Variants in TRIT1 observed in about 807,000 individuals in gnomAD.
TRIT1 encodes tRNA dimethylallyltransferase.
TRIT1 carries 43 observed loss-of-function variants against 51.2 expected under a neutral mutation model. That is an observed-to-expected ratio of 0.84 (90% CI 0.66 to 1.08). The LOEUF (loss-of-function observed/expected upper bound fraction) is 1.08. TRIT1 is among the 50% of genes least tolerant of loss of function. TRIT1 has a pLI of 0.00. For missense variants in TRIT1, 528 were observed against 578.4 expected, an observed-to-expected ratio of 0.91 and a Z score of 0.89; for synonymous variants, 184 against 203.9, an observed-to-expected ratio of 0.90 and a Z score of 0.83.
chr1:39,848,674 T>A (rs555328609), intron 5 of TRIT1, among the ~76,000 whole-genome samples: 1 of 151,388 alleles, frequency 6.6e-6, no homozygotes, highest in African/African-American at 2.4e-5. Context: ...AGTACAAAAA[T>A]TAGCTGGGCG....
chr1:39,863,762 A>G (rs528726301), intron 1 of TRIT1, among the ~76,000 whole-genome samples: 10 of 151,964 alleles, frequency 6.6e-5, no homozygotes, highest in Non-Finnish European at 1.3e-4. Flanking sequence ...GAAAAAAAAA[A>G]AGAGATATGA....
intron 1 of TRIT1, among the ~76,000 whole-genome samples, chr1:39,865,688 A>G (rs1186839648): frequency 3.2e-5 from 4 of 125,398 alleles, no homozygotes; most frequent in African/African-American, 1.1e-4. Flanking sequence ...AAAAAAAAAA[A>G]AAGAAAAGAA....
chr1:39,852,708 G>C (rs779785121), intron 4 of TRIT1, 23 bp downstream of exon 4: 2 of 1,608,710 alleles, frequency 1.2e-6, no homozygotes, highest in South Asian at 2.2e-5. Flanking sequence ...GGAATTTGGG[G>C]TCAGCGCGCC....
At chr1:39,858,782 C>A (rs1643048009) in intron 1 of TRIT1, among the ~76,000 whole-genome samples, 1 of 152,100 alleles carries the variant, frequency 6.6e-6, no homozygotes, top group Non-Finnish European at 1.5e-5. Context: ...ATCAACTCTG[C>A]CTTTTTAACT....
intron 1 of TRIT1, among the ~76,000 whole-genome samples, chr1:39,880,619 T>C (rs1320436788): frequency 6.6e-6 from 1 of 151,846 alleles, no homozygotes; most frequent in East Asian, 1.9e-4. Flanking sequence ...GCCAACATGA[T>C]GAAACCCTAT....
chr1:39,847,255 T>C lies in TRIT1; in HGVS notation c.971A>G (p.Lys324Arg), dbSNP rs1642280916. The C allele has an allele frequency of 1.9e-6, 3 of 1,614,084 alleles. No individual in the cohort carries two copies. Among genetic ancestry groups the C allele is most frequent in the Non-Finnish European group, 2.5e-6 (3 of 1,180,048 alleles). The part of the protein sequence containing the change: ...LKQVTKRYAR[K>R]QNRWVKNRFL... ...ACGGTTTTTAACCCATCGGTTTTGT[T>C]TCCGGGCATATCTCTTAGTTACTTG... The change falls in exon 8 of 11, where the codon AAA becomes AGA. Residue 324 changes from lysine (K) to arginine (R), a missense_variant. By Grantham distance (26) the Lys-to-Arg change is conservative. This residue lies in a region of TRIT1 where 468 missense variants were observed against 522.6 expected (regional missense o/e 0.90). Transcript: ENST00000316891.
At chr1:39,847,360 G>A in intron 7 of TRIT1, 63 bp from the exon 8 acceptor site, 3 of 1,532,560 alleles carry the variant, frequency 2.0e-6, no homozygotes, top group Non-Finnish European at 2.7e-6. Flanking sequence ...AGAGAGGCAG[G>A]CCCTCCCAGC....
intron 1 of TRIT1, among the ~76,000 whole-genome samples, chr1:39,860,282 T>G (rs1643159276): frequency 6.6e-6 from 1 of 152,206 alleles, no homozygotes; most frequent in South Asian, 2.1e-4. Context: ...CTCTTACACA[T>G]TCAGATTAAA....
intron 3 of TRIT1, among the ~76,000 whole-genome samples, chr1:39,853,163 G>GTC (rs1642684942): frequency 6.6e-6 from 1 of 152,170 alleles, no homozygotes. Flanking sequence ...ATATCCAGGA[G>GTC]TCTAGTCTTC....
chr1:39,841,754 C>T lies in TRIT1; in HGVS notation c.1394G>A (p.Cys465Tyr). The change falls in exon 11 of 11, where the codon TGC (cysteine) becomes TAC (tyrosine). Residue 465 changes from cysteine to tyrosine, a missense_variant. Cys to Tyr is a radical substitution (Grantham distance 194, BLOSUM62 -2). This residue lies in a region of TRIT1 where 468 missense variants were observed against 522.6 expected (regional missense o/e 0.90). Transcript: ENST00000316891. ...CACTGGACATGTCTCTTAAACGCTGCATTTCAGCTCTTGATCATTCTGCCC... is the reference window on the plus strand; with the variant it reads ...CACTGGACATGTCTCTTAAACGCTGTATTTCAGCTCTTGATCATTCTGCCC... ...SPGQNDQELK[C>Y]SV The T allele has an allele frequency of 1.9e-6, 3 of 1,611,620 alleles. No individual in the cohort carries two copies. The highest frequency in any genetic ancestry group is 2.5e-6 in the Non-Finnish European group (3 of 1,179,228).
At chr1:39,858,465 G>A (rs918964828) in intron 1 of TRIT1, among the ~76,000 whole-genome samples, 2 of 152,162 alleles carry the variant, frequency 1.3e-5, no homozygotes, top group African/African-American at 4.8e-5. Flanking sequence ...TACCTCATAG[G>A]GTTGTTGTGG....
chr1:39,876,094 AG>A (rs751098916), intron 1 of TRIT1: 1 of 151,874 alleles, frequency 6.6e-6, no homozygotes, highest in Non-Finnish European at 1.5e-5. Flanking sequence ...AGAGGCCAAC[AG>A]GGTCCTGGTC....
intron 1 of TRIT1, among the ~76,000 whole-genome samples, chr1:39,866,826 C>A (rs560142917): frequency 6.6e-6 from 1 of 152,050 alleles, no homozygotes; most frequent in South Asian, 2.1e-4. Context: ...AAAACAAAAA[C>A]AAAAAAACAG....
At chr1:39,882,015 T>G (rs1438916735) in intron 1 of TRIT1, among the ~76,000 whole-genome samples, 1 of 152,260 alleles carries the variant, frequency 6.6e-6, no homozygotes. Flanking sequence ...GCTCTTATTA[T>G]GTGCCATATA....
intron 10 of TRIT1, 143 bp from the exon 11 acceptor site, chr1:39,842,056 G>T: frequency 1.1e-6 from 1 of 909,576 alleles, no homozygotes; most frequent in Non-Finnish European, 1.6e-6. Context: ...TAGTATAGCT[G>T]CTTAGCATTT....
intron 5 of TRIT1, among the ~76,000 whole-genome samples, chr1:39,848,942 A>T (rs1240355564): frequency 6.6e-6 from 1 of 152,068 alleles, no homozygotes; most frequent in Non-Finnish European, 1.5e-5. Flanking sequence ...ATCAGATACC[A>T]TTATTTTATG....
intron 4 of TRIT1, 129 bp downstream of exon 4, chr1:39,852,602 G>C (rs1570011386): frequency 8.5e-7 from 1 of 1,177,374 alleles, no homozygotes; most frequent in East Asian, 2.4e-5. Flanking sequence ...CCAACCTGCT[G>C]AGCTAGAACA....
At chr1:39,842,468 T>C (rs1314453191) in intron 10 of TRIT1, among the ~76,000 whole-genome samples, 1 of 152,222 alleles carries the variant, frequency 6.6e-6, no homozygotes, top group Non-Finnish European at 1.5e-5. Flanking sequence ...AAAAAGGTCA[T>C]GTGAACGACT....
intron 1 of TRIT1, among the ~76,000 whole-genome samples, chr1:39,868,294 G>T (rs972446756): frequency 7.9e-5 from 12 of 152,176 alleles, no homozygotes; most frequent in African/African-American, 2.9e-4. Context: ...CACAGATTGG[G>T]AGAAAATATT....
Sources: allele counts gnomAD v4.1 joint callset (sites outside exome capture counted in the v4.1 genomes callset), GRCh38; gene constraint gnomAD v4.1.1; regional missense constraint gnomAD v4.1.1; transcripts MANE v1.5; gene names NCBI Gene and HGNC (gene_info 2026-07-23, HGNC 2026-07-21).